The following AOAH variants were observed in gnomAD, a reference collection of about 807,000 sequenced individuals.
AOAH encodes the protein acyloxyacyl hydrolase (neutrophil).
Under a neutral mutation model 92.2 loss-of-function variants are expected in AOAH, and 64 were observed. The ratio of observed to expected loss-of-function variants is 0.69; its 90% CI spans 0.57 to 0.86. The LOEUF (loss-of-function observed/expected upper bound fraction) is 0.86. AOAH is among the 40% of genes least tolerant of loss of function. The pLI is 0.00. For synonymous variants in AOAH, 263 were observed against 254.5 expected (o/e 1.03, Z -0.32); for missense variants, 656 against 694.6 (o/e 0.94, Z 0.62).
At chr7:36,532,097 CA>C (rs771643060) in intron 18 of AOAH, 49 bp downstream of exon 18, 2 of 1,604,610 alleles carry the variant, frequency 1.2e-6, no homozygotes, top group Non-Finnish European at 1.7e-6. Context: ...GCAGCAAACA[CA>C]GGGAAAGAAT....
rs1230542399 is a variant in AOAH at position 36,549,115 on chromosome 7, C to T, written c.1058+324G>A. Among the ~76,000 whole-genome samples the T allele has an allele frequency of 2.6e-5, 4 of 152,156 alleles. No individual in the cohort carries two copies. In the East Asian group the frequency reaches 5.8e-4, roughly 22 times the overall value. ...CTTGAGGCTTCCAGTCAGGACACCTCGAGCCTTGCTTCTGAATTTCAAGCC... is the reference window on the plus strand; with the variant it reads ...CTTGAGGCTTCCAGTCAGGACACCTTGAGCCTTGCTTCTGAATTTCAAGCC... On this transcript the variant is annotated intron_variant, in intron 14 of 20. Coordinates refer to ENST00000617537, the MANE Select transcript of AOAH (RefSeq NM_001637.4).
intron 13 of AOAH, among the ~76,000 whole-genome samples, chr7:36,567,444 A>T (rs185897345): frequency 1.6e-4 from 24 of 152,302 alleles, no homozygotes; most frequent in African/African-American, 5.5e-4. Flanking sequence ...TGTAAAATGG[A>T]GTTGCTCTGT....
intron 13 of AOAH, among the ~76,000 whole-genome samples, chr7:36,566,501 T>G (rs1255131398): frequency 6.6e-6 from 1 of 152,034 alleles, no homozygotes; most frequent in Non-Finnish European, 1.5e-5. Flanking sequence ...TGCTGTCTTG[T>G]CAGAGTAGGT....
intron 3 of AOAH, among the ~76,000 whole-genome samples, chr7:36,671,173 G>A (rs55678176): frequency 0.023 from 3,448 of 152,026 alleles, 142 homozygotes; most frequent in African/African-American, 0.079. Context: ...ACTTTTAAAA[G>A]GCTTTCTTCA....
At chr7:36,541,619 G>A (rs1785430637) in intron 15 of AOAH, among the ~76,000 whole-genome samples, 1 of 152,230 alleles carries the variant, frequency 6.6e-6, no homozygotes, top group Non-Finnish European at 1.5e-5. Context: ...GGGTGATGAG[G>A]TAATTTGTAC....
chr7:36,617,202 C>G (rs1297469665), intron 10 of AOAH, among the ~76,000 whole-genome samples: 1 of 152,200 alleles, frequency 6.6e-6, no homozygotes, highest in Non-Finnish European at 1.5e-5. Context: ...AGTGGCTCCC[C>G]AGGCTGGGCT....
At chr7:36,679,301 A>C (rs1796492549) in intron 2 of AOAH, among the ~76,000 whole-genome samples, 1 of 150,918 alleles carries the variant, frequency 6.6e-6, no homozygotes, top group Non-Finnish European at 1.5e-5. Context: ...TATATATAAA[A>C]AATAAAAATA....
At chr7:36,523,528 C>G (rs1784218667) in intron 19 of AOAH, among the ~76,000 whole-genome samples, 1 of 151,654 alleles carries the variant, frequency 6.6e-6, no homozygotes, top group African/African-American at 2.4e-5. Context: ...ATGCAGCTTT[C>G]AACAATTTCT....
chr7:36,612,202 A>C (rs781472703), intron 11 of AOAH, among the ~76,000 whole-genome samples: 1 of 152,214 alleles, frequency 6.6e-6, no homozygotes, highest in Non-Finnish European at 1.5e-5. Context: ...TAATTCTACC[A>C]TCCAAAGATA....
Position 36,614,498 on chromosome 7 carries a change from G to A in AOAH, c.846+1882C>T, listed in dbSNP as rs12671395. 0.016 allele frequency among the ~76,000 whole-genome samples: 2,472 copies of A among 152,242 alleles called. 83 individuals carry two copies. The highest frequency in any genetic ancestry group is 0.097 in the East Asian group (502 of 5,176). ...GTGGGCCAACTGAGCATGTGTGAGC[G>A]AGGGGACTGGAAACGGGGTCGACTC... On this transcript the variant is annotated intron_variant, in intron 11 of 20. Transcript: ENST00000617537. The surrounding 1 kb of genome is among the most constrained non-coding windows in gnomAD (Gnocchi z 4.2).
At chr7:36,617,821 T>C (rs1448793549) in intron 10 of AOAH, among the ~76,000 whole-genome samples, 2 of 152,232 alleles carry the variant, frequency 1.3e-5, no homozygotes, top group African/African-American at 4.8e-5. Context: ...CCCTCACAAG[T>C]TATAGTCTGG....
chr7:36,687,083 TAGA>T (rs1380063083), intron 1 of AOAH, among the ~76,000 whole-genome samples: 1 of 152,124 alleles, frequency 6.6e-6, no homozygotes, highest in Non-Finnish European at 1.5e-5. Flanking sequence ...ATTCGCTTGG[TAGA>T]AGGAGAATCC....
chr7:36,526,696 T>A (rs1784411408), intron 19 of AOAH, among the ~76,000 whole-genome samples: 1 of 152,258 alleles, frequency 6.6e-6, no homozygotes, highest in Non-Finnish European at 1.5e-5. Flanking sequence ...TGTTTTCTTC[T>A]TCTTTAATGT....
At chr7:36,549,524 C>A in intron 13 of AOAH, 49 bp from the exon 14 acceptor site, 2 of 1,307,664 alleles carry the variant, frequency 1.5e-6, no homozygotes, top group South Asian at 2.4e-5. Flanking sequence ...AGTTCAATTT[C>A]ACACTATCAA....
At chr7:36,518,272 C>T (rs183549976) in intron 20 of AOAH, among the ~76,000 whole-genome samples, 84 of 152,104 alleles carry the variant, frequency 5.5e-4, no homozygotes, top group Middle Eastern at 6.8e-3. Context: ...TGCAGTGACG[C>T]AATCTTGGCT....
chr7:36,593,772 A>T (rs1351925795), intron 12 of AOAH, among the ~76,000 whole-genome samples: 1 of 152,190 alleles, frequency 6.6e-6, no homozygotes, highest in Non-Finnish European at 1.5e-5. Flanking sequence ...CCATAGACTC[A>T]TATCTGTGGT....
intron 4 of AOAH, among the ~76,000 whole-genome samples, chr7:36,647,434 G>A (rs1794292793): frequency 6.6e-6 from 1 of 152,210 alleles, no homozygotes. Flanking sequence ...CGATTCTTGA[G>A]CTGAGGGAAT....
intron 3 of AOAH, among the ~76,000 whole-genome samples, chr7:36,663,228 C>T (rs1795323272): frequency 1.3e-5 from 2 of 152,166 alleles, no homozygotes; most frequent in South Asian, 4.1e-4. Flanking sequence ...CATTGACCTC[C>T]TGCCCCGACA....
rs1477578891 is a variant in AOAH, at chr7:36,601,943, T to C, written c.847-7513A>G. 4.6e-5 allele frequency among the ~76,000 whole-genome samples: 7 copies of C among 152,198 alleles called. No individual in the cohort carries two copies. The East Asian group carries it at 1.3e-3, about 29-fold the overall frequency. ...AGTATTACAGTTACACATTTTCATG[T>C]AACAGGTAATCCCCAAATTTAGTGA... On this transcript the variant is annotated intron_variant, in intron 11 of 20. Transcript: ENST00000617537.
Sources: gnomAD v4.1 joint callset for allele counts (sites outside exome capture counted in the v4.1 genomes callset) on GRCh38, gnomAD v4.1.1 for gene constraint, Gnocchi (gnomAD v3.1) non-coding constraint, MANE v1.5 for transcripts, NCBI Gene and HGNC (gene_info 2026-07-23, HGNC 2026-07-21) for gene names.